Variants in SLC14A2 observed in about 807,000 individuals in gnomAD.
The protein encoded by SLC14A2 is urea transporter 2.
SLC14A2 carries 91 observed loss-of-function variants against 104.6 expected under a neutral mutation model. The observed-to-expected ratio is 0.87, with a 90% CI of 0.73 to 1.04. The LOEUF is 1.04. Among genes scored for constraint, SLC14A2 ranks in the 50% least tolerant of loss-of-function variants. The pLI, the probability that SLC14A2 is intolerant of heterozygous loss-of-function variation, is 0.00. For synonymous variants in SLC14A2, 476 were observed against 466.4 expected, an observed-to-expected ratio of 1.02 and a Z score of -0.27; for missense variants, 1,189 against 1,156.0, an observed-to-expected ratio of 1.03 and a Z score of -0.41.
In SLC14A2 at chr18:45,330,088, TTGGA is replaced by T. The variant is rs1225584349; in HGVS notation, c.-125+116899_-125+116902del. Among the ~76,000 whole-genome samples, 16 of 152,258 alleles carry T rather than the reference TTGGA, an allele frequency of 1.1e-4. No individual in the cohort carries two copies. The East Asian group carries it at 2.9e-3, about 28-fold the overall frequency. On this transcript the variant is annotated intron_variant, in intron 1 of 20. Coordinates refer to the SLC14A2 transcript ENST00000586448. ...CTAAGGCTCAAAGAATTAAATAATT[TTGGA>T]TTTCAGTGACTGAAGGAGGGTCTGA... is the stretch of plus-strand genomic sequence containing the variant.
chr18:45,370,549 C>A (rs532422281), intron 1 of SLC14A2, among the ~76,000 whole-genome samples: 1 of 152,278 alleles, frequency 6.6e-6, no homozygotes, highest in East Asian at 1.9e-4. Flanking sequence ...CAACCTTTTC[C>A]TGTCAGGCAC....
chr18:45,475,637 T>TATA (rs1568227791), intron 1 of SLC14A2, among the ~76,000 whole-genome samples: 3 of 32,720 alleles, frequency 9.2e-5, no homozygotes, highest in Non-Finnish European at 1.3e-4. Context: ...TATATATATA[T>TATA]TTAGGATATA....
intron 1 of SLC14A2, among the ~76,000 whole-genome samples, chr18:45,269,362 C>T (rs1436849031): frequency 2.0e-5 from 3 of 152,018 alleles, no homozygotes; most frequent in Non-Finnish European, 4.4e-5. Flanking sequence ...GGCTGTTCTT[C>T]AAATCCTTCC....
At chr18:45,631,542 T>C (rs188142505) in intron 4 of SLC14A2, among the ~76,000 whole-genome samples, 2 of 152,376 alleles carry the variant, frequency 1.3e-5, no homozygotes, top group Admixed American at 6.5e-5. Context: ...AAGGGGCACC[T>C]GGGAACCCAA....
chr18:45,509,290 A>G (rs1294042249), intron 2 of SLC14A2, among the ~76,000 whole-genome samples: 3 of 151,612 alleles, frequency 2.0e-5, no homozygotes, highest in Admixed American at 6.6e-5. Flanking sequence ...TCCTCCCTAT[A>G]TATATATATC....
intron 2 of SLC14A2, among the ~76,000 whole-genome samples, chr18:45,511,147 G>A (rs2043360801): frequency 6.6e-6 from 1 of 151,932 alleles, no homozygotes; most frequent in Admixed American, 6.6e-5. Flanking sequence ...ATCTGGCCCA[G>A]ACATCTTTGC....
chr18:45,192,829 T>C, the SLC14A2 span, among the ~76,000 whole-genome samples: 2 of 152,040 alleles, frequency 1.3e-5, no homozygotes, highest in African/African-American at 4.8e-5. Context: ...GCTAATTTTT[T>C]GTATTTTTAG....
chr18:45,229,276 C>T (rs2084151106), intron 1 of SLC14A2, among the ~76,000 whole-genome samples: 1 of 152,068 alleles, frequency 6.6e-6, no homozygotes, highest in Non-Finnish European at 1.5e-5. Context: ...TCCTGCCTTC[C>T]AGAGGGCCAG....
chr18:45,470,676 G>A (rs1256468151), intron 1 of SLC14A2, among the ~76,000 whole-genome samples: 1 of 152,074 alleles, frequency 6.6e-6, no homozygotes, highest in Non-Finnish European at 1.5e-5. Context: ...GCTATTGACT[G>A]TCAGCTCTGC....
chr18:45,387,232 A>C (rs1276251131), intron 1 of SLC14A2, among the ~76,000 whole-genome samples: 1 of 152,204 alleles, frequency 6.6e-6, no homozygotes, highest in African/African-American at 2.4e-5. Flanking sequence ...TACTTATATC[A>C]GTCAAAATAG....
chr18:45,245,860 T>A (rs2084363287), intron 1 of SLC14A2, among the ~76,000 whole-genome samples: 1 of 152,352 alleles, frequency 6.6e-6, no homozygotes, highest in South Asian at 2.1e-4. Flanking sequence ...GACTAAAAGC[T>A]GGTGGAATTT....
At chr18:45,389,835 A>AT (rs950035654) in intron 1 of SLC14A2, among the ~76,000 whole-genome samples, 1 of 152,200 alleles carries the variant, frequency 6.6e-6, no homozygotes, top group Non-Finnish European at 1.5e-5. Context: ...GTAAGGAGTA[A>AT]AAACGTTGAC....
chr18:45,430,497 G>A (rs2086496897), intron 1 of SLC14A2, among the ~76,000 whole-genome samples: 1 of 152,182 alleles, frequency 6.6e-6, no homozygotes, highest in Non-Finnish European at 1.5e-5. Context: ...GGAGAGATCT[G>A]TGTGGATTGG....
At chr18:45,434,980 T>A (rs1021874947) in intron 1 of SLC14A2, among the ~76,000 whole-genome samples, 2 of 152,198 alleles carry the variant, frequency 1.3e-5, no homozygotes, top group African/African-American at 2.4e-5. Flanking sequence ...TGAATAATAA[T>A]CTCTATATAA....
intron 2 of SLC14A2, among the ~76,000 whole-genome samples, chr18:45,601,577 A>G (rs1004821820): frequency 6.6e-6 from 1 of 152,178 alleles, no homozygotes; most frequent in Non-Finnish European, 1.5e-5. Flanking sequence ...CTTAATTCCA[A>G]TGGGGTTTTT....
chr18:45,359,062 G>C (rs565454659), intron 1 of SLC14A2, among the ~76,000 whole-genome samples: 8 of 152,264 alleles, frequency 5.3e-5, no homozygotes, highest in African/African-American at 1.9e-4. Flanking sequence ...TAGAGTTTTG[G>C]GGAGAGTCAG....
chr18:45,677,023 T>C (rs1393946196), intron 18 of SLC14A2, among the ~76,000 whole-genome samples: 1 of 152,152 alleles, frequency 6.6e-6, no homozygotes. Flanking sequence ...GGCATCCTGT[T>C]GCAAAGGTTC....
At chr18:45,565,640 C>A (rs1472018360) in intron 2 of SLC14A2, among the ~76,000 whole-genome samples, 1 of 152,174 alleles carries the variant, frequency 6.6e-6, no homozygotes, top group African/African-American at 2.4e-5. Flanking sequence ...TGGCAGAACT[C>A]AAGCTGTCCC....
intron 2 of SLC14A2, among the ~76,000 whole-genome samples, chr18:45,492,688 AG>A (rs2043023085): frequency 6.6e-6 from 1 of 152,206 alleles, no homozygotes; most frequent in Admixed American, 6.5e-5. Context: ...ACTATTGCTA[AG>A]GAAAAAGGGG....
Sources: allele counts gnomAD v4.1 joint callset (sites outside exome capture counted in the v4.1 genomes callset), GRCh38; gene constraint gnomAD v4.1.1; transcripts MANE v1.5; gene names NCBI Gene and HGNC (gene_info 2026-07-23, HGNC 2026-07-21).